The following INPP4B variants were observed in gnomAD, a reference collection of about 807,000 sequenced individuals.
INPP4B encodes inositol polyphosphate 4-phosphatase type II.
A neutral mutation model predicts 122.5 loss-of-function variants in INPP4B; 55 were observed. The observed-to-expected ratio is 0.45, with a 90% CI of 0.36 to 0.56. INPP4B has a LOEUF of 0.56. Among genes scored for constraint, INPP4B ranks in the 20% least tolerant of loss-of-function variants. The pLI is 0.00. For synonymous variants in INPP4B, 403 were observed against 388.7 expected, an observed-to-expected ratio of 1.04 and a Z score of -0.43; for missense variants, 1,000 against 1,097.7, an observed-to-expected ratio of 0.91 and a Z score of 1.26.
At chr4:142,781,585 T>A (rs775252887) in intron 1 of INPP4B, among the ~76,000 whole-genome samples, 2 of 152,178 alleles carry the variant, frequency 1.3e-5, no homozygotes, top group Non-Finnish European at 2.9e-5. Context: ...GTGGTAGAAT[T>A]AATGAAAATT....
intron 25 of INPP4B, among the ~76,000 whole-genome samples, chr4:142,033,346 T>C (rs1470682039): frequency 6.6e-6 from 1 of 152,156 alleles, no homozygotes; most frequent in Non-Finnish European, 1.5e-5. Flanking sequence ...CTCTGGACCA[T>C]GGGCCAGTGG....
At chr4:142,444,476 A>G (rs1023101874) in intron 3 of INPP4B, among the ~76,000 whole-genome samples, 11 of 152,152 alleles carry the variant, frequency 7.2e-5, no homozygotes, top group African/African-American at 2.7e-4. Context: ...CACACCAGCT[A>G]GAATGTTGAT....
At chr4:142,614,401 A>T (rs913887953) in intron 2 of INPP4B, among the ~76,000 whole-genome samples, 2 of 152,308 alleles carry the variant, frequency 1.3e-5, no homozygotes, top group African/African-American at 4.8e-5. Flanking sequence ...CTAAAGATAG[A>T]TTAAAAACCT....
At chr4:142,449,171 C>G (rs996187706) in intron 3 of INPP4B, among the ~76,000 whole-genome samples, 1 of 152,134 alleles carries the variant, frequency 6.6e-6, no homozygotes, top group Non-Finnish European at 1.5e-5. Context: ...TGAAGGCAAC[C>G]ATTCCAGCTG....
chr4:142,545,821 G>GTATA (rs70949172), intron 2 of INPP4B, among the ~76,000 whole-genome samples: 4,311 of 111,748 alleles, frequency 0.039, 126 homozygotes, highest in Non-Finnish European at 0.053. Context: ...ATACATGTGT[G>GTATA]TATATATATA....
chr4:142,128,342 TACACACACACACACACACAC>T (rs3836673), intron 18 of INPP4B, among the ~76,000 whole-genome samples: 1 of 147,462 alleles, frequency 6.8e-6, no homozygotes, highest in Admixed American at 6.8e-5. Flanking sequence ...CGTACTTTTA[TACACACACACACACACACAC>T]ACACACACAC....
intron 7 of INPP4B, among the ~76,000 whole-genome samples, chr4:142,398,445 T>TATATAA (rs749321202): frequency 1.7e-4 from 13 of 74,542 alleles, no homozygotes; most frequent in African/African-American, 8.7e-4. Flanking sequence ...TATATATATA[T>TATATAA]AAAACATATT....
At chr4:142,621,366 C>T (rs1049594465) in intron 2 of INPP4B, among the ~76,000 whole-genome samples, 17 of 151,902 alleles carry the variant, frequency 1.1e-4, no homozygotes, top group Non-Finnish European at 2.5e-4. Context: ...CTAAATAGCT[C>T]ATGGTAAAAT....
At chr4:142,747,132 G>A (rs2150936693) in intron 1 of INPP4B, among the ~76,000 whole-genome samples, 1 of 151,988 alleles carries the variant, frequency 6.6e-6, no homozygotes, top group East Asian at 1.9e-4. Context: ...ATCTGACAAA[G>A]GGCTAATATC....
chr4:142,739,190 C>A (rs1307037853), intron 1 of INPP4B, among the ~76,000 whole-genome samples: 1 of 151,932 alleles, frequency 6.6e-6, no homozygotes, highest in Admixed American at 6.6e-5. Context: ...TAAATTAAGG[C>A]AAAATTCTAT....
At chr4:142,233,218 G>A (rs1855209298) in intron 12 of INPP4B, among the ~76,000 whole-genome samples, 1 of 113,796 alleles carries the variant, frequency 8.8e-6, no homozygotes, top group African/African-American at 4.1e-5. Context: ...GTGTGTGTGT[G>A]AGTGAGTGTA....
intron 2 of INPP4B, among the ~76,000 whole-genome samples, chr4:142,637,856 T>C (rs1327539150): frequency 1.3e-5 from 2 of 152,184 alleles, no homozygotes; most frequent in Non-Finnish European, 2.9e-5. Context: ...CTCACCGACA[T>C]TTGGCGTTGT....
chr4:142,783,647 T>C (rs1775259029), intron 1 of INPP4B, among the ~76,000 whole-genome samples: 2 of 152,192 alleles, frequency 1.3e-5, no homozygotes, highest in Non-Finnish European at 2.9e-5. Context: ...ACTGGGATTA[T>C]GATAAACAGA....
chr4:142,670,048 C>T (rs1350441458), intron 2 of INPP4B, among the ~76,000 whole-genome samples: 1 of 152,164 alleles, frequency 6.6e-6, no homozygotes, highest in Non-Finnish European at 1.5e-5. Flanking sequence ...CATAAATAAA[C>T]AATTCATAAG....
At chr4:142,130,632 C>T (rs922688084) in intron 18 of INPP4B, among the ~76,000 whole-genome samples, 7 of 152,164 alleles carry the variant, frequency 4.6e-5, no homozygotes, top group Admixed American at 1.3e-4. Context: ...TTTCCCTTGC[C>T]TCTATCTCAG....
chr4:142,516,454 C>T (rs1011661790), intron 2 of INPP4B, among the ~76,000 whole-genome samples: 2 of 152,072 alleles, frequency 1.3e-5, no homozygotes, highest in African/African-American at 2.4e-5. Flanking sequence ...TCAGCTTAGC[C>T]CCATAATCAT....
In INPP4B at chr4:142,323,547, A is replaced by G. The variant is rs1026500251; in HGVS notation, c.373-8785T>C. On this transcript the variant is annotated intron_variant, in intron 7 of 25. Coordinates refer to ENST00000262992, the MANE Select transcript of INPP4B (RefSeq NM_001101669.3). ...TGCAAGCTCTGCCTCTCGGTTTCAC[A>G]CCATTCTCTTGCCTCAGCCTCCCCA... Among the ~76,000 whole-genome samples the G allele has an allele frequency of 2.7e-5, 4 of 146,292 alleles. No homozygotes were observed. The South Asian group carries it at 6.4e-4, about 23-fold the overall frequency.
At chr4:142,664,883 T>C (rs1352994977) in intron 2 of INPP4B, among the ~76,000 whole-genome samples, 1 of 152,204 alleles carries the variant, frequency 6.6e-6, no homozygotes, top group Non-Finnish European at 1.5e-5. Context: ...TTCATCATTG[T>C]GCCAACATCA....
intron 23 of INPP4B, among the ~76,000 whole-genome samples, chr4:142,103,687 C>T (rs1055773386): frequency 1.3e-5 from 2 of 152,032 alleles, no homozygotes; most frequent in Non-Finnish European, 2.9e-5. Context: ...ACGGCATAGA[C>T]CGTATCTTAC....
Sources: gnomAD v4.1 joint callset for allele counts (sites outside exome capture counted in the v4.1 genomes callset) on GRCh38, gnomAD v4.1.1 for gene constraint, MANE v1.5 for transcripts, NCBI Gene and HGNC (gene_info 2026-07-23, HGNC 2026-07-21) for gene names.